The following TAB2 variants were observed in gnomAD, a reference collection of about 807,000 sequenced individuals.
TAB2 encodes TGF-beta-activated kinase 1 and MAP3K7-binding protein 2.
In TAB2, 3 loss-of-function variants were observed where a neutral mutation model predicts 65.0. The ratio of observed to expected loss-of-function variants is 0.05; its 90% CI spans 0.02 to 0.12. TAB2 has a LOEUF of 0.12. Among genes scored for constraint, TAB2 ranks in the 10% least tolerant of loss-of-function variants. The probability of loss-of-function intolerance (pLI) is 1.00; values close to 1 mark genes in which losing one functional copy is unlikely to be tolerated. For synonymous variants in TAB2, 298 were observed against 285.1 expected, an observed-to-expected ratio of 1.05 and a Z score of -0.46; for missense variants, 623 against 840.3, an observed-to-expected ratio of 0.74 and a Z score of 3.20.
chr6:149,368,631 T>G (rs73613096), intron 1 of TAB2, among the ~76,000 whole-genome samples: 1 of 146,578 alleles, frequency 6.8e-6, no homozygotes, highest in African/African-American at 2.6e-5. Flanking sequence ...AACACTACTT[T>G]TGAATGCGAA....
At chr6:149,225,653 A>G (rs1777252789) in intron 1 of TAB2, among the ~76,000 whole-genome samples, 1 of 152,106 alleles carries the variant, frequency 6.6e-6, no homozygotes, top group Admixed American at 6.5e-5. Flanking sequence ...TATTTGTCCC[A>G]TAGCCAATGA....
At chr6:149,366,701 G>A (rs1781051698) in intron 1 of TAB2, among the ~76,000 whole-genome samples, 1 of 152,086 alleles carries the variant, frequency 6.6e-6, no homozygotes, top group African/African-American at 2.4e-5. Context: ...TGTTATTCAT[G>A]AAAGATTTGG....
chr6:149,242,940 C>A (rs1470124384), intron 1 of TAB2, among the ~76,000 whole-genome samples: 1 of 152,138 alleles, frequency 6.6e-6, no homozygotes, highest in African/African-American at 2.4e-5. Context: ...CTGGAAGCAC[C>A]CTTTCATCAC....
At chr6:149,348,780 A>T (rs774194935) in intron 1 of TAB2, among the ~76,000 whole-genome samples, 2 of 152,062 alleles carry the variant, frequency 1.3e-5, no homozygotes, top group Non-Finnish European at 2.9e-5. Context: ...CCTAGCCAAC[A>T]TGATGAAACC....
rs147651766 is a variant in TAB2, at chr6:149,309,690, C to T, written c.-120-68328C>T. 2.0e-5 allele frequency among the ~76,000 whole-genome samples: 3 copies of T among 147,880 alleles called. No homozygotes were observed. In the Admixed American group the frequency reaches 2.0e-4, roughly 10 times the overall value. ...GGGATTACAGGCGTGAGCCACCACG[C>T]CTGCCCTCAATTATTCCTCTTTAAA... is the stretch of plus-strand genomic sequence containing the variant. On this transcript the variant is annotated intron_variant, in intron 1 of 1. Transcript: ENST00000606202.
At chr6:149,249,135 T>TAC (rs58230516) in intron 1 of TAB2, among the ~76,000 whole-genome samples, 75 of 135,780 alleles carry the variant, frequency 5.5e-4, no homozygotes, top group South Asian at 5.1e-3. Flanking sequence ...CACACACACA[T>TAC]ACACACACAC....
At chr6:149,309,433 G>A (rs1779129040) in intron 1 of TAB2, among the ~76,000 whole-genome samples, 1 of 145,418 alleles carries the variant, frequency 6.9e-6, no homozygotes, top group Admixed American at 6.9e-5. Flanking sequence ...CAGAGGCTCT[G>A]TCACCCAGGC....
chr6:149,280,368 C>T lies in TAB2; in HGVS notation c.-121+61592C>T, dbSNP rs950525556. Among the ~76,000 whole-genome samples the T allele has an allele frequency of 6.6e-5, 10 of 152,168 alleles. No individual in the cohort carries two copies. The East Asian group carries it at 9.6e-4, about 15-fold the overall frequency. On this transcript the variant is annotated intron_variant, in intron 1 of 1. Transcript: ENST00000606202. Reference sequence around the variant, plus strand: ...CATCTTCAATCCATACTAAAACTGTCAGAGTGATCTTTCTAAGGCAGTCAC... The same window carrying T: ...CATCTTCAATCCATACTAAAACTGTTAGAGTGATCTTTCTAAGGCAGTCAC...
chr6:149,238,459 T>A (rs1210975565), intron 1 of TAB2, among the ~76,000 whole-genome samples: 1 of 152,120 alleles, frequency 6.6e-6, no homozygotes, highest in Non-Finnish European at 1.5e-5. Flanking sequence ...ACAGCAAACC[T>A]ACTATATTCA....
At chr6:149,300,546 G>C (rs1013544214) in intron 1 of TAB2, among the ~76,000 whole-genome samples, 1 of 152,180 alleles carries the variant, frequency 6.6e-6, no homozygotes, top group Non-Finnish European at 1.5e-5. Context: ...TACTCTTCTG[G>C]ATCATTCTCT....
At chr6:149,328,892 C>G (rs1177682257) in intron 1 of TAB2, among the ~76,000 whole-genome samples, 1 of 152,094 alleles carries the variant, frequency 6.6e-6, no homozygotes, top group African/African-American at 2.4e-5. Flanking sequence ...AAAGGTGACA[C>G]TTAATCTGAG....
At chr6:149,240,932 C>T (rs1777585995) in intron 1 of TAB2, among the ~76,000 whole-genome samples, 1 of 152,006 alleles carries the variant, frequency 6.6e-6, no homozygotes, top group Non-Finnish European at 1.5e-5. Flanking sequence ...GAGATAAGGC[C>T]TTTATGGAGG....
chr6:149,220,549 G>C (rs939840007), intron 1 of TAB2, among the ~76,000 whole-genome samples: 4 of 152,126 alleles, frequency 2.6e-5, no homozygotes, highest in African/African-American at 7.2e-5. Flanking sequence ...ACTACAAATA[G>C]CATCAGAAAA....
At chr6:149,296,206 A>T (rs1778874088) in intron 1 of TAB2, among the ~76,000 whole-genome samples, 1 of 152,216 alleles carries the variant, frequency 6.6e-6, no homozygotes, top group African/African-American at 2.4e-5. Flanking sequence ...AGGCAGTTCA[A>T]ACTGACTAGG....
At chr6:149,230,052 G>A (rs920282680) in intron 1 of TAB2, 1 of 152,138 alleles carries the variant, frequency 6.6e-6, no homozygotes, top group Non-Finnish European at 1.5e-5. Context: ...ATGTCAAAAA[G>A]CCCAAGTTTG....
chr6:149,269,402 A>G (rs4609053), intron 1 of TAB2, among the ~76,000 whole-genome samples: 77,517 of 152,020 alleles, frequency 0.51, 21,011 homozygotes, highest in East Asian at 0.69. Context: ...AAAATTCACT[A>G]TATTATTCTT....
intron 1 of TAB2, among the ~76,000 whole-genome samples, chr6:149,330,095 C>CTT (rs113491144): frequency 1.3e-5 from 2 of 149,132 alleles, no homozygotes; most frequent in East Asian, 2.0e-4. Context: ...GAGATGGGCT[C>CTT]TTTTTTTTTT....
intron 1 of TAB2, among the ~76,000 whole-genome samples, chr6:149,234,845 G>A (rs1428278274): frequency 7.9e-6 from 1 of 126,366 alleles, no homozygotes; most frequent in Non-Finnish European, 1.6e-5. Context: ...AAGATGAGAC[G>A]ACTAAGATTA....
intron 1 of TAB2, among the ~76,000 whole-genome samples, chr6:149,292,082 A>C (rs1778789247): frequency 1.3e-5 from 2 of 152,202 alleles, no homozygotes; most frequent in African/African-American, 4.8e-5. Flanking sequence ...AATTTTTGCA[A>C]ATTAAGACCT....
Sources: gnomAD v4.1 joint callset for allele counts (sites outside exome capture counted in the v4.1 genomes callset) on GRCh38, gnomAD v4.1.1 for gene constraint, MANE v1.5 for transcripts, NCBI Gene and HGNC (gene_info 2026-07-23, HGNC 2026-07-21) for gene names.